PLGRKT: variants seen among roughly 807,000 people sequenced by gnomAD.
PLGRKT encodes plasminogen receptor (KT).
PLGRKT carries 22 observed loss-of-function variants against 18.5 expected under a neutral mutation model. The ratio of observed to expected loss-of-function variants is 1.19; its 90% CI spans 0.85 to 1.70. The LOEUF (loss-of-function observed/expected upper bound fraction) is 1.70. Ranked by LOEUF, PLGRKT falls within the 40% of genes most tolerant of loss-of-function variation. The pLI is 0.00. For synonymous variants in PLGRKT, 72 were observed against 52.8 expected (o/e 1.36, Z -1.58); for missense variants, 235 against 174.4 (o/e 1.35, Z -1.96).
intron 3 of PLGRKT, among the ~76,000 whole-genome samples, chr9:5,424,687 T>A (rs1469621777): frequency 1.4e-5 from 1 of 69,462 alleles, no homozygotes; most frequent in Non-Finnish European, 3.0e-5. Context: ...TATATATATA[T>A]ATATACACAC....
chr9:5,397,821 G>A lies in PLGRKT; in HGVS notation c.81+34076C>T, dbSNP rs184327386. ...ATTGGCTGCCCTTGGTGTCAGCTGC[G>A]CTCAGCACACTTTAGTTTGTGAGCT... On this transcript the variant is annotated intron_variant, in intron 3 of 5. Transcript: ENST00000223864. 2.2e-4 allele frequency among the ~76,000 whole-genome samples: 33 copies of A among 152,070 alleles called. 1 individual carries two copies. In the East Asian group the frequency reaches 5.6e-3, roughly 26 times the overall value.
chr9:5,393,057 G>C lies in PLGRKT; in HGVS notation c.82-31169C>G, dbSNP rs530629101. On this transcript the variant is annotated intron_variant, in intron 3 of 5. Transcript: ENST00000223864. ...GGATTTCACCATGTTGGCCAGGCTGGTCTCAAACTTCTGACCTCAGGTGAT... is the reference window on the plus strand; with the variant it reads ...GGATTTCACCATGTTGGCCAGGCTGCTCTCAAACTTCTGACCTCAGGTGAT... 4.2e-3 allele frequency among the ~76,000 whole-genome samples: 638 copies of C among 151,684 alleles called. 14 individuals are homozygous for C. The highest frequency in any genetic ancestry group is 0.015 in the African/African-American group (620 of 41,124).
chr9:5,410,873 C>G (rs1818349389), intron 3 of PLGRKT, among the ~76,000 whole-genome samples: 1 of 152,014 alleles, frequency 6.6e-6, no homozygotes. Flanking sequence ...AGCCTTTTAC[C>G]TTGAGACCAA....
At chr9:5,360,404 G>A (rs990164696) in intron 5 of PLGRKT, among the ~76,000 whole-genome samples, 2 of 152,160 alleles carry the variant, frequency 1.3e-5, no homozygotes, top group African/African-American at 4.8e-5. Flanking sequence ...TCATGGTAAT[G>A]GGAAGGCAGC....
intron 3 of PLGRKT, among the ~76,000 whole-genome samples, chr9:5,424,399 ATATAT>A (rs568637489): frequency 9.4e-4 from 123 of 130,348 alleles, no homozygotes; most frequent in Admixed American, 7.7e-3. Context: ...ATAAAACATA[ATATAT>A]TATATATTAA....
At chr9:5,386,227 C>G (rs1817840318) in intron 3 of PLGRKT, among the ~76,000 whole-genome samples, 1 of 151,896 alleles carries the variant, frequency 6.6e-6, no homozygotes, top group African/African-American at 2.4e-5. Flanking sequence ...GGATAAAAAT[C>G]TCAGACCTTC....
chr9:5,372,567 G>A (rs528704933), intron 3 of PLGRKT, among the ~76,000 whole-genome samples: 153 of 152,308 alleles, frequency 1.0e-3, no homozygotes, highest in African/African-American at 1.7e-3. Context: ...CAGCCAGAAC[G>A]TGGGATTCTC....
chr9:5,430,279 A>G (rs1017992829), intron 3 of PLGRKT, among the ~76,000 whole-genome samples: 1 of 152,368 alleles, frequency 6.6e-6, no homozygotes, highest in East Asian at 1.9e-4. Flanking sequence ...ATGGGGACCA[A>G]CATAAGAGTA....
At chr9:5,399,081 C>T (rs1213672094) in intron 3 of PLGRKT, among the ~76,000 whole-genome samples, 1 of 151,698 alleles carries the variant, frequency 6.6e-6, no homozygotes, top group South Asian at 2.1e-4. Context: ...CGCCTTCCCA[C>T]AATTCATCTC....
chr9:5,432,106 G>A, intron 2 of PLGRKT, 123 bp from the exon 3 acceptor site: 1 of 591,032 alleles, frequency 1.7e-6, no homozygotes, highest in Non-Finnish European at 3.0e-6. Flanking sequence ...TCTGATCTAG[G>A]AACACAGTGT....
At chr9:5,396,121 T>C (rs1818043722) in intron 3 of PLGRKT, among the ~76,000 whole-genome samples, 1 of 151,570 alleles carries the variant, frequency 6.6e-6, no homozygotes, top group South Asian at 2.1e-4. Flanking sequence ...CTCGAACTCC[T>C]GACCTGAGGT....
chr9:5,374,467 T>C (rs1023773280), intron 3 of PLGRKT, among the ~76,000 whole-genome samples: 1 of 152,378 alleles, frequency 6.6e-6, no homozygotes, highest in East Asian at 1.9e-4. Flanking sequence ...TCTAGCTTCA[T>C]GTCCTGCCAG....
At chr9:5,423,393 G>C (rs188806881) in intron 3 of PLGRKT, among the ~76,000 whole-genome samples, 1 of 152,122 alleles carries the variant, frequency 6.6e-6, no homozygotes, top group African/African-American at 2.4e-5. Flanking sequence ...AATTATATTT[G>C]GAACATACTG....
intron 3 of PLGRKT, among the ~76,000 whole-genome samples, chr9:5,377,057 A>G (rs1009578893): frequency 1.3e-5 from 2 of 152,236 alleles, no homozygotes; most frequent in African/African-American, 4.8e-5. Context: ...CTGGGAAGTT[A>G]GAGATCTGTT....
At chr9:5,377,625 T>C (rs1302974036) in intron 3 of PLGRKT, among the ~76,000 whole-genome samples, 1 of 152,234 alleles carries the variant, frequency 6.6e-6, no homozygotes, top group Non-Finnish European at 1.5e-5. Context: ...TAGGAGTTTC[T>C]GTAGAAGAAA....
chr9:5,417,312 C>T (rs1163914692), intron 3 of PLGRKT, among the ~76,000 whole-genome samples: 1 of 152,142 alleles, frequency 6.6e-6, no homozygotes, highest in Non-Finnish European at 1.5e-5. Flanking sequence ...CATACCAAGA[C>T]AGCTGGATAT....
chr9:5,362,472 G>C (rs1424771608), intron 3 of PLGRKT, among the ~76,000 whole-genome samples: 1 of 152,196 alleles, frequency 6.6e-6, no homozygotes, highest in Non-Finnish European at 1.5e-5. Context: ...GCTCAGAACA[G>C]AGAAGGAAAC....
At chr9:5,371,818 C>T (rs1817522992) in intron 3 of PLGRKT, among the ~76,000 whole-genome samples, 1 of 151,702 alleles carries the variant, frequency 6.6e-6, no homozygotes, top group African/African-American at 2.4e-5. Flanking sequence ...TTAAAGAGTA[C>T]ATATTTCATA....
rs748927064 is a variant in PLGRKT, at chr9:5,361,145, A to T, written c.255T>A (p.Val85=). 34 of 1,611,446 alleles carry T rather than the reference A, an allele frequency of 2.1e-5. No individual in the cohort carries two copies. The highest frequency in any genetic ancestry group is 5.1e-6 in the Non-Finnish European group (6 of 1,178,006). Residue 85 remains valine, a synonymous_variant, in exon 5 of 6, where the codon GTT becomes GTA. Coordinates refer to ENST00000223864, the MANE Select transcript of PLGRKT (RefSeq NM_018465.4). ...GGTAGGTGAGGATAAAGCTTAATGG[A>T]ACAATCGGGACCAGGAAGGCTGGCT... ...KKKPAFLVPI[V]PLSFILTYQY... is the part of the protein sequence containing the mutation.
Sources: allele counts gnomAD v4.1 joint callset (sites outside exome capture counted in the v4.1 genomes callset), GRCh38; gene constraint gnomAD v4.1.1; transcripts MANE v1.5; gene names NCBI Gene and HGNC (gene_info 2026-07-23, HGNC 2026-07-21).